CDS2: variants seen among roughly 807,000 people sequenced by gnomAD.
CDS2 encodes CDP-diacylglycerol synthase 2.
Under a neutral mutation model 59.0 loss-of-function variants are expected in CDS2, and 47 were observed. The observed-to-expected ratio is 0.80, with a 90% CI of 0.63 to 1.02. The LOEUF is 1.02. Among genes scored for constraint, CDS2 ranks in the 50% least tolerant of loss-of-function variants. The pLI is 0.00. For missense variants in CDS2, 356 were observed against 558.9 expected (o/e 0.64, Z 3.66); for synonymous variants, 207 against 206.4 (o/e 1.00, Z -0.02).
chr20:5,168,267 T>C (rs909075688), intron 1 of CDS2, among the ~76,000 whole-genome samples: 1 of 151,258 alleles, frequency 6.6e-6, no homozygotes, highest in Non-Finnish European at 1.5e-5. Context: ...ATATAAAAAT[T>C]ATCTGGGCGT....
intron 2 of CDS2, among the ~76,000 whole-genome samples, chr20:5,174,057 G>C (rs536078302): frequency 2.2e-4 from 33 of 152,320 alleles, no homozygotes; most frequent in African/African-American, 7.2e-4. Context: ...TTCCAGTTCA[G>C]AGTTTAGTTT....
At chr20:5,190,028 C>T in intron 12 of CDS2, 74 bp from the exon 13 acceptor site, 26 of 1,558,676 alleles carry the variant, frequency 1.7e-5, no homozygotes, top group Non-Finnish European at 2.3e-5. Context: ...GAGATCAGAG[C>T]AGCCACTCAG....
intron 1 of CDS2, among the ~76,000 whole-genome samples, chr20:5,138,673 A>G (rs1600471096): frequency 6.6e-6 from 1 of 151,866 alleles, no homozygotes; most frequent in African/African-American, 2.4e-5. Context: ...TTTAGTAGAG[A>G]CAGGGTTTCA....
In CDS2 at chr20:5,192,368, C is replaced by CA. The variant is rs11376563; in HGVS notation, c.*2134_*2135insA. 0.4 allele frequency: 59,161 copies of CA among 149,160 alleles called. 12,591 individuals are homozygous for CA. The highest frequency in any genetic ancestry group is 0.49 in the South Asian group (2,298 of 4,660). The allele number at this position is 149,160 out of a possible 1,614,324, so 9.2% of individuals were successfully genotyped here. The stretch of plus-strand genomic sequence containing the variant: ...TGGGGGTGGGGTGGGGAAGGGGGGT[C>CA]TAGGAAGCCGAAGCTGAGTGCGCAC... On this transcript the variant is annotated 3_prime_UTR_variant, in exon 13 of 13. Coordinates refer to ENST00000460006, the MANE Select transcript of CDS2 (RefSeq NM_003818.4).
At chr20:5,131,078 G>A (rs1310467751) in intron 1 of CDS2, among the ~76,000 whole-genome samples, 1 of 142,308 alleles carries the variant, frequency 7.0e-6, no homozygotes, top group Non-Finnish European at 1.5e-5. Flanking sequence ...GGGCGACAGA[G>A]CAAGACTCTG....
chr20:5,181,295 C>G (rs1009263230), intron 5 of CDS2, among the ~76,000 whole-genome samples: 1 of 152,178 alleles, frequency 6.6e-6, no homozygotes, highest in Non-Finnish European at 1.5e-5. Flanking sequence ...CAGAAAAAAA[C>G]CAAAGTCAGC....
intron 10 of CDS2, chr20:5,187,121 G>T: frequency 8.3e-6 from 3 of 361,580 alleles, no homozygotes; most frequent in South Asian, 3.7e-5. Context: ...GGGTCTGTGA[G>T]GTCACAACTG....
chr20:5,161,404 C>G (rs184693500), intron 1 of CDS2, among the ~76,000 whole-genome samples: 56 of 152,226 alleles, frequency 3.7e-4, no homozygotes, highest in Non-Finnish European at 6.0e-4. Flanking sequence ...GAGAACATTT[C>G]CATTATTGCA....
intron 1 of CDS2, among the ~76,000 whole-genome samples, chr20:5,159,847 T>TA (rs899671141): frequency 9.9e-5 from 15 of 152,104 alleles, no homozygotes; most frequent in East Asian, 3.9e-4. Flanking sequence ...TGTTTTTACT[T>TA]AAAAAAAATG....
At chr20:5,180,125 G>A (rs2091022897) in intron 5 of CDS2, among the ~76,000 whole-genome samples, 1 of 152,172 alleles carries the variant, frequency 6.6e-6, no homozygotes. Context: ...AACTGCTTTT[G>A]AGGATCTCCG....
At chr20:5,146,235 C>T (rs1406933884) in intron 1 of CDS2, among the ~76,000 whole-genome samples, 1 of 152,170 alleles carries the variant, frequency 6.6e-6, no homozygotes, top group African/African-American at 2.4e-5. Flanking sequence ...AATGGTTCCT[C>T]TTGATTGATG....
In CDS2 at chr20:5,192,013, C is replaced by G. The variant is rs2091119206; in HGVS notation, c.*1779C>G. 1 of 152,222 alleles carries G rather than the reference C, an allele frequency of 6.6e-6. No homozygotes were observed. The highest frequency in any genetic ancestry group is 1.5e-5 in the Non-Finnish European group (1 of 68,066). The allele number at this position is 152,222 out of a possible 1,614,324, so 9.4% of individuals were successfully genotyped here. On this transcript the variant is annotated 3_prime_UTR_variant, in exon 13 of 13. Transcript: ENST00000460006. ...ATTAAGTGAGGTCCTGGGCACCCCC[C>G]AAACAGGAAGTGTTTTCAGGCCCTT...
chr20:5,132,344 C>T (rs186405318), intron 1 of CDS2, among the ~76,000 whole-genome samples: 10 of 152,234 alleles, frequency 6.6e-5, no homozygotes, highest in South Asian at 2.1e-4. Context: ...GTGATCCACC[C>T]GCCTTGGCCT....
At chr20:5,154,768 C>CTCCCGAG (rs1432811818) in intron 1 of CDS2, among the ~76,000 whole-genome samples, 3 of 152,204 alleles carry the variant, frequency 2.0e-5, no homozygotes, top group African/African-American at 7.2e-5. Context: ...CCACCTCAAC[C>CTCCCGAG]TCCCGAGTAG....
chr20:5,140,305 A>T (rs558503093), intron 1 of CDS2, among the ~76,000 whole-genome samples: 12 of 152,312 alleles, frequency 7.9e-5, no homozygotes, highest in Middle Eastern at 3.4e-3. Flanking sequence ...GGAACTGCTG[A>T]CTCAAAGGGA....
Position 5,127,117 on chromosome 20 carries a change from G to A in CDS2, c.25G>A (p.Ala9Thr), listed in dbSNP as rs2090559228. The A allele has an allele frequency of 6.7e-7, 1 of 1,497,346 alleles. No individual in the cohort carries two copies. Among genetic ancestry groups the A allele is most frequent in the Non-Finnish European group, 8.9e-7 (1 of 1,122,582 alleles). 92.8% of individuals were successfully genotyped at this position (1,497,346 alleles called of 1,614,324 possible). The change falls in exon 1 of 13, where the codon GCC (alanine) becomes ACC (threonine). Residue 9 changes from alanine to threonine, a missense_variant. Physicochemically the swap from Ala to Thr is moderately conservative, Grantham distance 58 (BLOSUM62 0). Around this residue, in one of 5 missense-constraint regions of CDS2, gnomAD observed 107 missense variants for 129.7 expected, o/e 0.82. Transcript: ENST00000460006. MTELRQRVAHEPVAPPEDK... is the reference protein window; with the variant it reads MTELRQRVTHEPVAPPEDK... ...GATGACAGAGCTGAGGCAGAGGGTG[G>A]CCCATGAGCCGGTTGCGCCACCCGA...
chr20:5,189,397 C>G (rs1159252888), intron 11 of CDS2, among the ~76,000 whole-genome samples: 1 of 152,120 alleles, frequency 6.6e-6, no homozygotes, highest in Non-Finnish European at 1.5e-5. Flanking sequence ...GTTAATATAT[C>G]TTTCTTCAAA....
intron 1 of CDS2, among the ~76,000 whole-genome samples, chr20:5,145,640 C>T (rs1345785057): frequency 2.6e-5 from 4 of 152,052 alleles, no homozygotes; most frequent in Non-Finnish European, 4.4e-5. Context: ...ATTTTGTCAT[C>T]CAGAAATTTG....
Position 5,173,552 on chromosome 20 carries a change from A to G in CDS2, c.87A>G (p.Gly29=). 1 of 1,614,224 alleles carries G rather than the reference A, an allele frequency of 6.2e-7. No homozygotes were observed. Among genetic ancestry groups the G allele is most frequent in the South Asian group, 1.1e-5 (1 of 91,084 alleles). Reference sequence around the variant, plus strand: ...CAGAGTCAGAAGCAAAGGTAGATGGAGAGACTGCATCGGACAGTGAGAGCC... The same window carrying G: ...CAGAGTCAGAAGCAAAGGTAGATGGGGAGACTGCATCGGACAGTGAGAGCC... ...KESESEAKVD[G]ETASDSESRA... Residue 29 remains glycine (G), a synonymous_variant, in exon 2 of 13, where the codon GGA becomes GGG. Transcript: ENST00000460006.
Sources: gnomAD v4.1 joint callset for allele counts (sites outside exome capture counted in the v4.1 genomes callset) on GRCh38, gnomAD v4.1.1 for gene constraint, gnomAD v4.1.1 regional missense constraint, MANE v1.5 for transcripts, NCBI Gene and HGNC (gene_info 2026-07-23, HGNC 2026-07-21) for gene names.